Variants in HEATR6 observed in about 807,000 individuals in gnomAD.
HEATR6 encodes HEAT repeat containing 6, also known as HEAT repeat-containing protein 6.
In HEATR6, 106 loss-of-function variants were observed where a neutral mutation model predicts 132.8. The ratio of observed to expected loss-of-function variants is 0.80; its 90% CI spans 0.68 to 0.94. The LOEUF is 0.94. Ranked by LOEUF, HEATR6 falls within the 40% of genes least tolerant of loss-of-function variation. HEATR6 has a pLI of 0.00. For synonymous variants in HEATR6, 529 were observed against 537.8 expected (o/e 0.98, Z 0.23); for missense variants, 1,339 against 1,425.1 (o/e 0.94, Z 0.97).
chr17:60,060,194 T>C (rs1417308276), intron 9 of HEATR6, 98 bp from the exon 10 acceptor site: 4 of 851,590 alleles, frequency 4.7e-6, no homozygotes, highest in Non-Finnish European at 7.4e-6. Context: ...TTACAATCAT[T>C]TTAATTGGAA....
chr17:60,047,021 A>G (rs1906387916), intron 18 of HEATR6, among the ~76,000 whole-genome samples: 1 of 146,960 alleles, frequency 6.8e-6, no homozygotes, highest in Admixed American at 6.8e-5. Flanking sequence ...TGACTTGTCA[A>G]TTTTTTTTTT....
rs755419741 is a variant in HEATR6, at chr17:60,057,358, A to G, written c.1769T>C (p.Val590Ala). The change falls in exon 12 of 20, where the codon GTG becomes GCG. Residue 590 changes from valine (V) to alanine (A), a missense_variant. Coordinates refer to ENST00000184956, the MANE Select transcript of HEATR6 (RefSeq NM_022070.5). The stretch of plus-strand genomic sequence containing the variant: ...TTCAGGTAAAGGTGCGTGGGTGGAC[A>G]CTATAGCTCCCAAGAGTGTGAGACT... ...VSSLTLLGAI[V>A]STHAPLPEVQ... 2 of 1,613,180 alleles carry G rather than the reference A, an allele frequency of 1.2e-6. No individual in the cohort carries two copies. Among genetic ancestry groups the G allele is most frequent in the Admixed American group, 1.7e-5 (1 of 59,988 alleles).
chr17:60,066,144 G>T, intron 9 of HEATR6, 65 bp downstream of exon 9: 1 of 1,342,512 alleles, frequency 7.4e-7, no homozygotes, highest in Non-Finnish European at 1.1e-6. Context: ...ATAAGGCAGA[G>T]ATAACAATAA....
At chr17:60,047,459 A>G in intron 17 of HEATR6, 54 bp from the exon 18 acceptor site, 3 of 992,892 alleles carry the variant, frequency 3.0e-6, no homozygotes, top group South Asian at 3.0e-5. Flanking sequence ...ACTTAAATAT[A>G]TACATATAGA....
chr17:60,076,474 G>A (rs1195059731), intron 1 of HEATR6: 2 of 429,748 alleles, frequency 4.7e-6, no homozygotes, highest in Non-Finnish European at 8.5e-6. Context: ...GTCAAAGCGG[G>A]AGGACTGCTT....
intron 8 of HEATR6, 23 bp from the exon 9 acceptor site, chr17:60,066,409 GA>G (rs778070090): frequency 2.0e-6 from 3 of 1,501,388 alleles, no homozygotes; most frequent in Non-Finnish European, 2.7e-6. Context: ...AGAGAAAAAA[GA>G]AAAAACACTT....
chr17:60,057,088 C>T lies in HEATR6; in HGVS notation c.2039G>A (p.Ser680Asn). ...TCGCATGGGGGATGGTTCGTAGGTG[C>T]TTCCTGCTGCAGAGCCAGCATCGCT... ...SGSDAGSAAG[S>N]TYEPSPMRLE... The change falls in exon 12 of 20, where the codon AGC (serine) becomes AAC (asparagine). Residue 680 changes from serine (S) to asparagine (N), a missense_variant. Physicochemically the swap from Ser to Asn is conservative, Grantham distance 46 (BLOSUM62 1). Coordinates refer to ENST00000184956, the MANE Select transcript of HEATR6 (RefSeq NM_022070.5). 1 of 1,612,916 alleles carries T rather than the reference C, an allele frequency of 6.2e-7. No individual in the cohort carries two copies. Among genetic ancestry groups the T allele is most frequent in the Non-Finnish European group, 8.5e-7 (1 of 1,179,258 alleles).
At position 60,056,529 on chromosome 17, in the gene HEATR6, C is replaced by T. The variant is rs543404384; in HGVS notation, c.2080-292G>A. On this transcript the variant is annotated intron_variant, in intron 12 of 19. Transcript: ENST00000184956. Reference sequence around the variant, plus strand: ...TTACAACTAAAGAACCTAAGCCTGACAAGATGAAAGGACATGCTTCATGCT... The same window carrying T: ...TTACAACTAAAGAACCTAAGCCTGATAAGATGAAAGGACATGCTTCATGCT... Among the ~76,000 whole-genome samples, 8 of 152,272 alleles carry T rather than the reference C, an allele frequency of 5.3e-5. No homozygotes were observed. The South Asian group carries it at 1.2e-3, about 24-fold the overall frequency.
In HEATR6 at chr17:60,050,848, G is replaced by T. The variant is rs1906555248; in HGVS notation, c.2419C>A (p.Leu807Met). The T allele has an allele frequency of 6.2e-7, 1 of 1,614,088 alleles. No homozygotes were observed. ...AGAAAACACCCTCACATTACCGGCAGATTGCTGAAGGCCTCTGGCAAGATG... is the reference window on the plus strand; with the variant it reads ...AGAAAACACCCTCACATTACCGGCATATTGCTGAAGGCCTCTGGCAAGATG... Reference protein sequence around the residue: ...SSILPEAFSNLPNDRQMLCIT... With the variant: ...SSILPEAFSNMPNDRQMLCIT... Residue 807 changes from leucine (L) to methionine (M), a missense_variant, in exon 15 of 20, where the codon CTG becomes ATG. Coordinates refer to ENST00000184956, the MANE Select transcript of HEATR6 (RefSeq NM_022070.5).
chr17:60,047,620 A>G (rs1275267310), intron 17 of HEATR6, among the ~76,000 whole-genome samples: 2 of 152,134 alleles, frequency 1.3e-5, no homozygotes, highest in East Asian at 3.8e-4. Flanking sequence ...CAAAATGCAG[A>G]TTTCATGCAC....
chr17:60,059,811 G>C, intron 10 of HEATR6, 79 bp downstream of exon 10: 1 of 1,041,742 alleles, frequency 9.6e-7, no homozygotes. Flanking sequence ...CTTAAGTCAA[G>C]TTACTTTTGA....
chr17:60,048,824 G>A (rs907308851), intron 16 of HEATR6, among the ~76,000 whole-genome samples: 2 of 151,796 alleles, frequency 1.3e-5, no homozygotes, highest in African/African-American at 4.8e-5. Flanking sequence ...TTCCTTCTTA[G>A]TAAAAACTAT....
Position 60,070,730 on chromosome 17 carries a change from A to T in HEATR6, c.777T>A (p.Leu259=), listed in dbSNP as rs768057690. Residue 259 remains leucine, a synonymous_variant, in exon 6 of 20, where the codon CTT becomes CTA. Transcript: ENST00000184956. ...GRMKLTQTDE[L]GALLAVLKKF... Reference sequence around the variant, plus strand: ...CCTTTAGCACAGCTAAAAGTGCTCCAAGTTCATCAGTCTGTGTTAGTTTCA... The same window carrying T: ...CCTTTAGCACAGCTAAAAGTGCTCCTAGTTCATCAGTCTGTGTTAGTTTCA... The T allele has an allele frequency of 6.2e-7, 1 of 1,604,988 alleles. No homozygotes were observed. The highest frequency in any genetic ancestry group is 8.5e-7 in the Non-Finnish European group (1 of 1,171,708).
intron 16 of HEATR6, among the ~76,000 whole-genome samples, chr17:60,048,616 G>A (rs1260361467): frequency 6.6e-6 from 1 of 152,160 alleles, no homozygotes; most frequent in Admixed American, 6.5e-5. Flanking sequence ...GACACCCGAG[G>A]AGCCTATGGA....
chr17:60,066,074 C>T, intron 9 of HEATR6, 135 bp downstream of exon 9: 1 of 701,156 alleles, frequency 1.4e-6, no homozygotes, highest in Non-Finnish European at 2.4e-6. Context: ...TCCTGTCTGT[C>T]CAGTGGTCAA....
rs551920800 is a variant in HEATR6, at chr17:60,069,710, C to T, written c.939+1G>A. 91 of 1,613,226 alleles carry T rather than the reference C, an allele frequency of 5.6e-5. No homozygotes were observed. The highest frequency in any genetic ancestry group is 7.4e-5 in the Non-Finnish European group (87 of 1,179,656). On this transcript the variant is annotated splice_donor_variant, in intron 7 of 19. Transcript: ENST00000184956. LOFTEE classifies it high-confidence loss of function. ...TTAAATCTAAATAAACATAAATGTACCAAAGTTGGTCGAGAAGCACTGGAT... is the reference window on the plus strand; with the variant it reads ...TTAAATCTAAATAAACATAAATGTATCAAAGTTGGTCGAGAAGCACTGGAT...
chr17:60,076,460 G>A (rs1270304228), intron 1 of HEATR6: 13 of 462,398 alleles, frequency 2.8e-5, no homozygotes, highest in African/African-American at 4.0e-5. Flanking sequence ...CAGTTCTTCC[G>A]GAGGTCAAAG....
At position 60,050,879 on chromosome 17, in the gene HEATR6, C is replaced by T; in HGVS notation, c.2388G>A (p.Leu796=). 1 of 1,614,202 alleles carries T rather than the reference C, an allele frequency of 6.2e-7. No homozygotes were observed. Among genetic ancestry groups the T allele is most frequent in the Non-Finnish European group, 8.5e-7 (1 of 1,180,030 alleles). Residue 796 remains leucine, a synonymous_variant, in exon 15 of 20, where the codon CTG becomes CTA. Transcript: ENST00000184956. ...TGAAGGCCTCTGGCAAGATGGAAGA[C>T]AGGGCATCACAGGCGCTCGCCTGGA... is the stretch of plus-strand genomic sequence containing the variant. ...PTLQASACDA[L]SSILPEAFSN...
At position 60,069,866 on chromosome 17, in the gene HEATR6, G is replaced by A. The variant is rs1480222561; in HGVS notation, c.802-18C>T. On this transcript the variant is annotated intron_variant, in intron 6 of 19. Coordinates refer to ENST00000184956, the MANE Select transcript of HEATR6 (RefSeq NM_022070.5). ...ATGAATTTCTAATAATGATGAATAAGGACACACACACACACACGAAACCAA... is the reference window on the plus strand; with the variant it reads ...ATGAATTTCTAATAATGATGAATAAAGACACACACACACACACGAAACCAA... 5 of 1,611,328 alleles carry A rather than the reference G, an allele frequency of 3.1e-6. No individual in the cohort carries two copies. In the Admixed American group the frequency reaches 5.0e-5, roughly 16 times the overall value.
Sources: allele counts gnomAD v4.1 joint callset (sites outside exome capture counted in the v4.1 genomes callset), GRCh38; gene constraint gnomAD v4.1.1; transcripts MANE v1.5; gene names NCBI Gene and HGNC (gene_info 2026-07-23, HGNC 2026-07-21).